C10orf67: variants seen among roughly 807,000 people sequenced by gnomAD.
C10orf67 encodes chromosome 10 open reading frame 67, also known as uncharacterized protein C10orf67, mitochondrial.
C10orf67 carries 60 observed loss-of-function variants against 35.6 expected under a neutral mutation model. The ratio of observed to expected loss-of-function variants is 1.68; its 90% CI spans 1.37 to 2.09. The LOEUF (loss-of-function observed/expected upper bound fraction) is 2.09, where lower values mean the gene tolerates loss of function less well. Ranked by LOEUF, C10orf67 falls within the 30% of genes most tolerant of loss-of-function variation. The pLI, the probability that C10orf67 is intolerant of heterozygous loss-of-function variation, is 0.00. For synonymous variants in C10orf67, 167 were observed against 115.8 expected (o/e 1.44, Z -2.84); for missense variants, 474 against 330.2 (o/e 1.44, Z -3.38).
intron 15 of C10orf67, among the ~76,000 whole-genome samples, chr10:23,207,532 A>G (rs1323072764): frequency 1.3e-5 from 2 of 152,240 alleles, no homozygotes; most frequent in African/African-American, 4.8e-5. Flanking sequence ...GTCTCATCAA[A>G]TAAATTCTCT....
At chr10:23,253,316 C>T (rs1289192885) in intron 10 of C10orf67, among the ~76,000 whole-genome samples, 4 of 152,168 alleles carry the variant, frequency 2.6e-5, no homozygotes, top group Non-Finnish European at 5.9e-5. Context: ...GTGGGGGTCA[C>T]CAAAGTGACA....
chr10:23,308,760 A>G (rs112374830), intron 4 of C10orf67, among the ~76,000 whole-genome samples: 3 of 152,120 alleles, frequency 2.0e-5, no homozygotes, highest in African/African-American at 7.2e-5. Context: ...GGGACTATTA[A>G]TAATAATACC....
chr10:23,322,947 A>G (rs1845016391), intron 2 of C10orf67, among the ~76,000 whole-genome samples: 1 of 152,214 alleles, frequency 6.6e-6, no homozygotes, highest in Admixed American at 6.5e-5. Flanking sequence ...TTCTGGACAT[A>G]TAAGCTGGGT....
At chr10:23,272,679 G>A (rs985220989) in intron 8 of C10orf67, among the ~76,000 whole-genome samples, 1 of 152,142 alleles carries the variant, frequency 6.6e-6, no homozygotes, top group African/African-American at 2.4e-5. Context: ...TCTTGTGCAT[G>A]TCTATATAAA....
rs1843345111 is a variant in C10orf67, at chr10:23,280,839, C to T, written c.975+1174G>A. Among the ~76,000 whole-genome samples the T allele has an allele frequency of 3.9e-5, 6 of 152,210 alleles. No homozygotes were observed. The South Asian group carries it at 1.2e-3, about 31-fold the overall frequency. ...CACTGATTGAGTAGTTTAATTTCTT[C>T]TCTATTGCTGCTAACAAACAATATA... On this transcript the variant is annotated intron_variant, in intron 8 of 15. Coordinates refer to ENST00000636213, the MANE Select transcript of C10orf67 (RefSeq NM_001371909.1).
Position 23,206,657 on chromosome 10 carries a change from T to C in C10orf67, c.1571-2402A>G, listed in dbSNP as rs181012632. Among the ~76,000 whole-genome samples the C allele has an allele frequency of 1.2e-3, 187 of 152,306 alleles. 1 individual carries two copies. The highest frequency in any genetic ancestry group is 4.1e-3 in the African/African-American group (171 of 41,572). On this transcript the variant is annotated intron_variant, in intron 15 of 15. Coordinates refer to ENST00000636213, the MANE Select transcript of C10orf67 (RefSeq NM_001371909.1). ...AATGTGGTGGGCCTGATTTGGTAAA[T>C]GCCTCATTCATGTAGCTTTGCAGTG...
Position 23,322,506 on chromosome 10 carries a change from A to G in C10orf67, c.359T>C (p.Phe120Ser). The G allele has an allele frequency of 1.2e-6, 2 of 1,611,692 alleles. No individual in the cohort carries two copies. Among genetic ancestry groups the G allele is most frequent in the South Asian group, 2.2e-5 (2 of 90,848 alleles). Reference sequence around the variant, plus strand: ...CTTCAACTGAAGCAATTGTTTGAGGAACCCAAAATCTACCTGGAGGGATTT... The same window carrying G: ...CTTCAACTGAAGCAATTGTTTGAGGGACCCAAAATCTACCTGGAGGGATTT... The part of the protein sequence containing the change: ...MMKSLQVDFG[F>S]LKQLLQLKFE... Residue 120 changes from phenylalanine to serine, a missense_variant, in exon 3 of 16, where the codon TTC (phenylalanine) becomes TCC (serine). Phe to Ser is a radical substitution (Grantham distance 155). Transcript: ENST00000636213.
At chr10:23,249,105 G>C (rs2132155039) in intron 12 of C10orf67, among the ~76,000 whole-genome samples, 1 of 126,332 alleles carries the variant, frequency 7.9e-6, no homozygotes, top group African/African-American at 3.2e-5. Context: ...ACTCCAGCCT[G>C]GGCAACAAGA....
At chr10:23,212,807 GAGAGA>G in intron 15 of C10orf67, among the ~76,000 whole-genome samples, 1 of 151,736 alleles carries the variant, frequency 6.6e-6, no homozygotes, top group Middle Eastern at 3.4e-3. Flanking sequence ...GAGAGAGAGA[GAGAGA>G]GAGAGAGAGA....
Position 23,303,362 on chromosome 10 carries a change from A to G in C10orf67, c.644T>C (p.Val215Ala). The change falls in exon 5 of 16, where the codon GTT becomes GCT. Residue 215 changes from valine to alanine, a missense_variant. Transcript: ENST00000636213. ...LLRKLKEKEEVIKELKEELDQ... is the reference protein window; with the variant it reads ...LLRKLKEKEEAIKELKEELDQ... Reference sequence around the variant, plus strand: ...TAGTTCTTCTTTTAATTCTTTAATAACTTCTTCTTTCTCTTTCAGTTTTCT... The same window carrying G: ...TAGTTCTTCTTTTAATTCTTTAATAGCTTCTTCTTTCTCTTTCAGTTTTCT... The G allele has an allele frequency of 1.6e-6, 1 of 644,748 alleles. No individual in the cohort carries two copies. The allele number at this position is 644,748 out of a possible 1,614,324, so 39.9% of individuals were successfully genotyped here. A position where few individuals can be genotyped will look rare whatever the true frequency, so the allele number is the denominator to read the frequency against.
chr10:23,279,430 C>A (rs1447977563), intron 8 of C10orf67, among the ~76,000 whole-genome samples: 1 of 152,252 alleles, frequency 6.6e-6, no homozygotes, highest in African/African-American at 2.4e-5. Flanking sequence ...AGGCTTGAGG[C>A]ATGCCTCGGA....
chr10:23,288,024 T>C (rs1843600572), intron 7 of C10orf67, among the ~76,000 whole-genome samples: 1 of 152,212 alleles, frequency 6.6e-6, no homozygotes, highest in Non-Finnish European at 1.5e-5. Context: ...TTAGTGGGAA[T>C]GCAAATTAGT....
chr10:23,241,510 A>G (rs112483130), intron 12 of C10orf67, among the ~76,000 whole-genome samples: 189 of 152,330 alleles, frequency 1.2e-3, no homozygotes, highest in African/African-American at 4.4e-3. Context: ...ACTGTAGTAG[A>G]GTGAACATTG....
intron 13 of C10orf67, among the ~76,000 whole-genome samples, chr10:23,228,086 C>T (rs1411945768): frequency 6.6e-6 from 1 of 152,092 alleles, no homozygotes; most frequent in Non-Finnish European, 1.5e-5. Context: ...CTGGAAAAAA[C>T]TACTTTAAAG....
At chr10:23,233,082 A>G (rs1841955536) in intron 13 of C10orf67, among the ~76,000 whole-genome samples, 1 of 152,170 alleles carries the variant, frequency 6.6e-6, no homozygotes, top group Non-Finnish European at 1.5e-5. Context: ...ACTTGAGCTC[A>G]GAGGTTTGAT....
chr10:23,234,507 C>T (rs1227329207), intron 13 of C10orf67, among the ~76,000 whole-genome samples: 1 of 151,988 alleles, frequency 6.6e-6, no homozygotes, highest in Non-Finnish European at 1.5e-5. Flanking sequence ...AGGGAAACAA[C>T]TACATTGAGG....
chr10:23,264,228 T>A (rs1193306475), intron 10 of C10orf67, among the ~76,000 whole-genome samples: 1 of 152,070 alleles, frequency 6.6e-6, no homozygotes, highest in East Asian at 1.9e-4. Flanking sequence ...TAAACCACAG[T>A]GGAAGGGGAT....
At chr10:23,235,412 T>G (rs974760332) in intron 13 of C10orf67, among the ~76,000 whole-genome samples, 1 of 152,186 alleles carries the variant, frequency 6.6e-6, no homozygotes, top group Non-Finnish European at 1.5e-5. Flanking sequence ...GAAAAAAATG[T>G]TTGTAATACA....
Position 23,250,660 on chromosome 10 carries a change from A to G in C10orf67, c.1232T>C (p.Ile411Thr). Residue 411 changes from isoleucine (I) to threonine (T), a missense_variant, in exon 11 of 16, where the codon ATA becomes ACA. Coordinates refer to ENST00000636213, the MANE Select transcript of C10orf67 (RefSeq NM_001371909.1). ...VEDKHGLESQ[I>T]EALKANLENE... is the part of the protein sequence containing the mutation. ...CTCTAAATTTGCCTTTAATGCTTCT[A>G]TTTGAGACTCCAAACCATGTTTGTC... is the stretch of plus-strand genomic sequence containing the variant. 1 of 398,614 alleles carries G rather than the reference A, an allele frequency of 2.5e-6. No homozygotes were observed. The highest frequency in any genetic ancestry group is 4.4e-6 in the Non-Finnish European group (1 of 225,860). 24.7% of individuals were successfully genotyped at this position (398,614 alleles called of 1,614,324 possible). A position where few individuals can be genotyped will look rare whatever the true frequency, so the allele number is the denominator to read the frequency against.
Sources: allele counts gnomAD v4.1 joint callset (sites outside exome capture counted in the v4.1 genomes callset), GRCh38; gene constraint gnomAD v4.1.1; transcripts MANE v1.5; gene names NCBI Gene and HGNC (gene_info 2026-07-23, HGNC 2026-07-21).